CNTN4: variants seen among roughly 807,000 people sequenced by gnomAD.
The protein encoded by CNTN4 is contactin-4.
A neutral mutation model predicts 122.5 loss-of-function variants in CNTN4; 77 were observed. The observed-to-expected ratio is 0.63, with a 90% CI of 0.52 to 0.76. CNTN4 has a LOEUF of 0.76. Ranked by LOEUF, CNTN4 falls within the 30% of genes least tolerant of loss-of-function variation. CNTN4 has a pLI of 0.00. For missense variants in CNTN4, 1,256 were observed against 1,259.1 expected, an observed-to-expected ratio of 1.00 and a Z score of 0.04; for synonymous variants, 512 against 447.0, an observed-to-expected ratio of 1.15 and a Z score of -1.83.
intron 4 of CNTN4, among the ~76,000 whole-genome samples, chr3:2,613,865 G>A (rs527704569): frequency 3.3e-5 from 5 of 152,172 alleles, no homozygotes; most frequent in Admixed American, 1.3e-4. Flanking sequence ...GTTTCTTTCT[G>A]TTCCACATTG....
chr3:2,422,704 A>T (rs2047660037), intron 3 of CNTN4, among the ~76,000 whole-genome samples: 1 of 152,202 alleles, frequency 6.6e-6, no homozygotes, highest in Admixed American at 6.5e-5. Context: ...GGAAAGAAAT[A>T]CATTTAGCTC....
chr3:3,048,196 T>C (rs999951049), intron 23 of CNTN4, among the ~76,000 whole-genome samples: 5 of 151,838 alleles, frequency 3.3e-5, no homozygotes, highest in African/African-American at 1.2e-4. Flanking sequence ...TATCCACAGG[T>C]TCCATACTCT....
At chr3:2,528,430 C>T (rs2077479474) in intron 3 of CNTN4, among the ~76,000 whole-genome samples, 3 of 152,094 alleles carry the variant, frequency 2.0e-5, no homozygotes, top group African/African-American at 7.2e-5. Flanking sequence ...CACAGTTATA[C>T]ACCAGAGATC....
chr3:2,346,267 A>G (rs1234785678), intron 3 of CNTN4, among the ~76,000 whole-genome samples: 1 of 152,136 alleles, frequency 6.6e-6, no homozygotes, highest in Non-Finnish European at 1.5e-5. Context: ...TAGCAAAGTC[A>G]AATTTAATGT....
intron 3 of CNTN4, among the ~76,000 whole-genome samples, chr3:2,475,071 G>A (rs930193147): frequency 2.6e-5 from 4 of 152,168 alleles, no homozygotes; most frequent in African/African-American, 7.2e-5. Context: ...TTAAAAATAT[G>A]TGAGTTTATT....
chr3:2,729,629 C>T (rs894999422), intron 4 of CNTN4, among the ~76,000 whole-genome samples: 1 of 149,954 alleles, frequency 6.7e-6, no homozygotes, highest in Non-Finnish European at 1.5e-5. Flanking sequence ...CTTTAGAATG[C>T]ATAGGCCAGG....
chr3:2,444,047 A>G (rs896954050), intron 3 of CNTN4, among the ~76,000 whole-genome samples: 2 of 152,066 alleles, frequency 1.3e-5, no homozygotes, highest in Non-Finnish European at 2.9e-5. Context: ...CTCTGGGAGC[A>G]TTTATCTTTC....
chr3:2,757,865 A>G (rs1366684119), intron 6 of CNTN4, among the ~76,000 whole-genome samples: 1 of 152,226 alleles, frequency 6.6e-6, no homozygotes, highest in Non-Finnish European at 1.5e-5. Context: ...ACTAGCCACT[A>G]AACTCTCAGT....
At chr3:2,253,511 A>G (rs1423401026) in intron 2 of CNTN4, among the ~76,000 whole-genome samples, 2 of 152,200 alleles carry the variant, frequency 1.3e-5, no homozygotes, top group East Asian at 3.8e-4. Flanking sequence ...TCAACAGCTA[A>G]AAAGGTCTAC....
intron 3 of CNTN4, among the ~76,000 whole-genome samples, chr3:2,354,489 C>T (rs531191025): frequency 1.5e-3 from 231 of 152,286 alleles, no homozygotes; most frequent in Middle Eastern, 0.014. Context: ...CCAGATCGCA[C>T]CACTGCACTG....
intron 13 of CNTN4, among the ~76,000 whole-genome samples, chr3:2,964,758 A>T (rs1302327344): frequency 6.6e-6 from 1 of 152,196 alleles, no homozygotes; most frequent in Non-Finnish European, 1.5e-5. Context: ...CCCTACAAAG[A>T]CACAATTATT....
chr3:2,552,724 G>A (rs1233866421), intron 3 of CNTN4, among the ~76,000 whole-genome samples: 1 of 152,150 alleles, frequency 6.6e-6, no homozygotes, highest in Admixed American at 6.6e-5. Flanking sequence ...ATGGGGTGGA[G>A]AAAACTGTCA....
rs147629804 is a variant in CNTN4, at chr3:2,288,729, G to A, written c.-144-50449G>A. 3.2e-3 allele frequency among the ~76,000 whole-genome samples: 480 copies of A among 152,250 alleles called. 1 individual carries two copies. The highest frequency in any genetic ancestry group is 0.011 in the African/African-American group (443 of 41,552). ...ATGTATGTTATCAAATAAGTGGAAGGATTGTAAGAAGAATATGAATCTGGA... is the reference window on the plus strand; with the variant it reads ...ATGTATGTTATCAAATAAGTGGAAGAATTGTAAGAAGAATATGAATCTGGA... On this transcript the variant is annotated intron_variant, in intron 2 of 24. Transcript: ENST00000418658.
rs1011960908 is a variant in CNTN4 at position 2,419,495 on chromosome 3, A to G, written c.-89+80262A>G. Among the ~76,000 whole-genome samples the G allele has an allele frequency of 1.1e-4, 17 of 152,314 alleles. 1 individual carries two copies. Among genetic ancestry groups the G allele is most frequent in the African/African-American group, 3.4e-4 (14 of 41,572 alleles). On this transcript the variant is annotated intron_variant, in intron 3 of 24. Transcript: ENST00000418658. ...ATACCCGTAAGTCCATTCTAGCCCAATGTTTCAAAAAATGCTGGCATTTTA... is the reference window on the plus strand; with the variant it reads ...ATACCCGTAAGTCCATTCTAGCCCAGTGTTTCAAAAAATGCTGGCATTTTA...
intron 4 of CNTN4, among the ~76,000 whole-genome samples, chr3:2,649,531 C>G (rs1373076299): frequency 6.6e-6 from 1 of 152,070 alleles, no homozygotes; most frequent in East Asian, 1.9e-4. Flanking sequence ...TATTTTCTGC[C>G]CACTGTTGAG....
intron 11 of CNTN4, among the ~76,000 whole-genome samples, chr3:2,902,214 T>C (rs945570092): frequency 3.9e-5 from 6 of 152,120 alleles, no homozygotes; most frequent in African/African-American, 1.2e-4. Flanking sequence ...TTGATACTTA[T>C]GAAAATTGAC....
intron 12 of CNTN4, among the ~76,000 whole-genome samples, chr3:2,917,083 C>G (rs866585834): frequency 7.8e-6 from 1 of 128,060 alleles, no homozygotes; most frequent in Middle Eastern, 4.0e-3. Flanking sequence ...GCGGATCACT[C>G]GCGGTTAGGA....
chr3:2,618,242 G>GTT (rs140521365), intron 4 of CNTN4, among the ~76,000 whole-genome samples: 61,434 of 148,390 alleles, frequency 0.41, 13,778 homozygotes, highest in Middle Eastern at 0.52. Context: ...ATTAAATGTG[G>GTT]GTATATATAT....
intron 6 of CNTN4, among the ~76,000 whole-genome samples, chr3:2,794,118 T>C (rs1187210906): frequency 1.3e-5 from 2 of 152,194 alleles, no homozygotes; most frequent in Admixed American, 6.5e-5. Flanking sequence ...TTCATCTCTT[T>C]TAATAGTTTG....
Sources: gnomAD v4.1 joint callset for allele counts (sites outside exome capture counted in the v4.1 genomes callset) on GRCh38, gnomAD v4.1.1 for gene constraint, MANE v1.5 for transcripts, NCBI Gene and HGNC (gene_info 2026-07-23, HGNC 2026-07-21) for gene names.